INPP4B: variants seen among roughly 807,000 people sequenced by gnomAD.
INPP4B encodes inositol polyphosphate 4-phosphatase type II.
INPP4B carries 55 observed loss-of-function variants against 122.5 expected under a neutral mutation model. That is an observed-to-expected ratio of 0.45 (90% CI 0.36 to 0.56). The LOEUF is 0.56. Among genes scored for constraint, INPP4B ranks in the 20% least tolerant of loss-of-function variants. INPP4B has a pLI of 0.00. For missense variants in INPP4B, 1,000 were observed against 1,097.7 expected, an observed-to-expected ratio of 0.91 and a Z score of 1.26; for synonymous variants, 403 against 388.7, an observed-to-expected ratio of 1.04 and a Z score of -0.43.
chr4:142,523,999 A>G (rs1023615509), intron 2 of INPP4B, among the ~76,000 whole-genome samples: 2 of 149,138 alleles, frequency 1.3e-5, no homozygotes, highest in Non-Finnish European at 3.0e-5. Context: ...ATCATTTTTT[A>G]TGGCTGCATA....
chr4:142,368,049 C>T (rs115855655), intron 7 of INPP4B, among the ~76,000 whole-genome samples: 1,995 of 152,308 alleles, frequency 0.013, 19 homozygotes, highest in Non-Finnish European at 0.023. Flanking sequence ...AACTTTTCTA[C>T]TAAGCCATGC....
intron 5 of INPP4B, among the ~76,000 whole-genome samples, chr4:142,421,344 G>T (rs1356900817): frequency 6.6e-6 from 1 of 152,072 alleles, no homozygotes; most frequent in African/African-American, 2.4e-5. Flanking sequence ...TATATAAGTA[G>T]GCAATTAGAG....
chr4:142,562,841 T>C (rs1730768210), intron 2 of INPP4B, among the ~76,000 whole-genome samples: 1 of 152,198 alleles, frequency 6.6e-6, no homozygotes, highest in African/African-American at 2.4e-5. Flanking sequence ...ATGTTAGATA[T>C]TGCTATTTTT....
At chr4:142,775,953 A>G (rs1773849914) in intron 1 of INPP4B, among the ~76,000 whole-genome samples, 1 of 152,142 alleles carries the variant, frequency 6.6e-6, no homozygotes, top group African/African-American at 2.4e-5. Flanking sequence ...AACTGATATG[A>G]TCATACAATG....
chr4:142,083,955 A>C, intron 24 of INPP4B, among the ~76,000 whole-genome samples: 1 of 152,192 alleles, frequency 6.6e-6, no homozygotes, highest in South Asian at 2.1e-4. Flanking sequence ...TCTAAATTTA[A>C]AGTCTAGTGG....
At chr4:142,218,348 G>C (rs1848141098) in intron 12 of INPP4B, among the ~76,000 whole-genome samples, 1 of 152,164 alleles carries the variant, frequency 6.6e-6, no homozygotes, top group African/African-American at 2.4e-5. Context: ...CTTTAGTTCT[G>C]AGGCCAACAT....
chr4:142,784,996 G>C (rs1424453766), intron 1 of INPP4B, among the ~76,000 whole-genome samples: 1 of 152,028 alleles, frequency 6.6e-6, no homozygotes, highest in African/African-American at 2.4e-5. Context: ...TAACATTATA[G>C]AATACACTCC....
chr4:142,787,006 A>G (rs1326415009), intron 1 of INPP4B, among the ~76,000 whole-genome samples: 1 of 152,160 alleles, frequency 6.6e-6, no homozygotes, highest in African/African-American at 2.4e-5. Context: ...TATGAGCTTC[A>G]GTTAATAATA....
intron 25 of INPP4B, among the ~76,000 whole-genome samples, chr4:142,062,853 A>C (rs1319094489): frequency 6.6e-6 from 1 of 152,224 alleles, no homozygotes; most frequent in East Asian, 1.9e-4. Context: ...GGACCAGAAG[A>C]TACCTAGTTT....
At chr4:142,450,227 A>G (rs1183340858) in intron 3 of INPP4B, among the ~76,000 whole-genome samples, 4 of 152,198 alleles carry the variant, frequency 2.6e-5, no homozygotes, top group Non-Finnish European at 5.9e-5. Context: ...CTCTGGGGCT[A>G]AACAGAGCCA....
chr4:142,694,062 T>G (rs1760634343), intron 2 of INPP4B, among the ~76,000 whole-genome samples: 1 of 152,244 alleles, frequency 6.6e-6, no homozygotes, highest in East Asian at 1.9e-4. Context: ...ATCAAGCATT[T>G]TATTAAAAAT....
At chr4:142,442,395 G>A in intron 3 of INPP4B, among the ~76,000 whole-genome samples, 1 of 98,332 alleles carries the variant, frequency 1.0e-5, no homozygotes, top group East Asian at 3.0e-4. Context: ...CTGGGCAACA[G>A]AGCAAGACTC....
intron 23 of INPP4B, among the ~76,000 whole-genome samples, chr4:142,106,974 T>C (rs779797613): frequency 6.6e-5 from 10 of 152,166 alleles, no homozygotes; most frequent in East Asian, 1.9e-4. Context: ...CTCTTTTTTT[T>C]CATTAATTGC....
chr4:142,067,107 G>A (rs1295741444), intron 25 of INPP4B, among the ~76,000 whole-genome samples: 1 of 152,132 alleles, frequency 6.6e-6, no homozygotes, highest in African/African-American at 2.4e-5. Context: ...ACAGCTGGGT[G>A]CCCCTCTGAG....
intron 1 of INPP4B, among the ~76,000 whole-genome samples, chr4:142,815,454 A>G (rs939339277): frequency 6.6e-6 from 1 of 152,160 alleles, no homozygotes; most frequent in African/African-American, 2.4e-5. Context: ...TGTAAATCCC[A>G]TACTGTTCTA....
At chr4:142,190,202 T>G (rs374974569) in intron 15 of INPP4B, among the ~76,000 whole-genome samples, 32 of 23,488 alleles carry the variant, frequency 1.4e-3, no homozygotes, top group African/African-American at 2.6e-3. Context: ...TGTTTGTTTA[T>G]TTTTGTTTTT....
At chr4:142,432,942 G>A (rs1809653881) in intron 3 of INPP4B, among the ~76,000 whole-genome samples, 1 of 152,144 alleles carries the variant, frequency 6.6e-6, no homozygotes, top group Non-Finnish European at 1.5e-5. Context: ...TTGAGGATGG[G>A]AGGAGAAGAC....
intron 7 of INPP4B, among the ~76,000 whole-genome samples, chr4:142,394,054 G>A (rs777784030): frequency 2.0e-5 from 3 of 152,168 alleles, no homozygotes; most frequent in Non-Finnish European, 4.4e-5. Flanking sequence ...TTGAGAAACC[G>A]CCATAGTGTT....
chr4:142,472,151 T>C (rs1446084575), intron 2 of INPP4B, among the ~76,000 whole-genome samples: 1 of 152,074 alleles, frequency 6.6e-6, no homozygotes, highest in African/African-American at 2.4e-5. Flanking sequence ...TTCTAGGAAT[T>C]CTTAAATTCT....
Sources: gnomAD v4.1 joint callset for allele counts (sites outside exome capture counted in the v4.1 genomes callset) on GRCh38, gnomAD v4.1.1 for gene constraint, MANE v1.5 for transcripts, NCBI Gene and HGNC (gene_info 2026-07-23, HGNC 2026-07-21) for gene names.